KAT2B: variants seen among roughly 807,000 people sequenced by gnomAD.
KAT2B encodes the protein lysine acetyltransferase 2B, also known as histone acetyltransferase KAT2B.
KAT2B carries 36 observed loss-of-function variants against 105.9 expected under a neutral mutation model. The ratio of observed to expected loss-of-function variants is 0.34; its 90% CI spans 0.26 to 0.45. The LOEUF is 0.45. Among genes scored for constraint, KAT2B ranks in the 20% least tolerant of loss-of-function variants. The pLI is 1.00. For missense variants in KAT2B, 820 were observed against 1,021.6 expected (o/e 0.80, Z 2.69); for synonymous variants, 397 against 377.9 (o/e 1.05, Z -0.59).
intron 5 of KAT2B, among the ~76,000 whole-genome samples, chr3:20,106,548 T>C (rs1269641716): frequency 2.0e-5 from 3 of 152,094 alleles, no homozygotes; most frequent in African/African-American, 7.2e-5. Context: ...CAAAATAAGA[T>C]TAATCTTGGA....
At chr3:20,060,611 A>T (rs1325865771) in intron 1 of KAT2B, among the ~76,000 whole-genome samples, 2 of 139,940 alleles carry the variant, frequency 1.4e-5, no homozygotes, top group Non-Finnish European at 3.3e-5. Flanking sequence ...AAAAACAAAC[A>T]AACAAACACA....
At chr3:20,129,430 A>G (rs960047429) in intron 11 of KAT2B, among the ~76,000 whole-genome samples, 1 of 145,284 alleles carries the variant, frequency 6.9e-6, no homozygotes, top group Non-Finnish European at 1.5e-5. Flanking sequence ...GCTGGAGTGC[A>G]GTGGTGTGAT....
intron 17 of KAT2B, 55 bp from the exon 18 acceptor site, chr3:20,152,277 T>C: frequency 7.9e-7 from 1 of 1,263,950 alleles, no homozygotes; most frequent in African/African-American, 1.5e-5. Flanking sequence ...CCCAGTTTTG[T>C]CAGCTGGTGT....
chr3:20,042,229 C>T (rs1346977494), intron 1 of KAT2B, among the ~76,000 whole-genome samples: 1 of 152,072 alleles, frequency 6.6e-6, no homozygotes, highest in East Asian at 1.9e-4. Context: ...ATTATTTGTC[C>T]CCTTTGATTT....
chr3:20,099,222 C>G (rs1451396318), intron 3 of KAT2B, among the ~76,000 whole-genome samples: 1 of 152,150 alleles, frequency 6.6e-6, no homozygotes, highest in Non-Finnish European at 1.5e-5. Context: ...GATGCCAGAA[C>G]AGTTGGCCTG....
chr3:20,040,880 C>T, intron 1 of KAT2B, 100 bp downstream of exon 1: 7 of 1,341,164 alleles, frequency 5.2e-6, no homozygotes, highest in Non-Finnish European at 6.8e-6. Flanking sequence ...CCGCCTCCTG[C>T]CTCTCGCCTC....
At chr3:20,131,227 G>A (rs1438378004) in intron 11 of KAT2B, among the ~76,000 whole-genome samples, 2 of 151,924 alleles carry the variant, frequency 1.3e-5, no homozygotes, top group African/African-American at 4.8e-5. Flanking sequence ...CGTTGGCCAG[G>A]CTGGTCTCAA....
At chr3:20,052,131 C>G (rs1269932186) in intron 1 of KAT2B, among the ~76,000 whole-genome samples, 1 of 152,244 alleles carries the variant, frequency 6.6e-6, no homozygotes, top group East Asian at 1.9e-4. Flanking sequence ...ATCTTGTTCT[C>G]AAAGCCTCAT....
At chr3:20,052,502 T>C (rs1447819188) in intron 1 of KAT2B, among the ~76,000 whole-genome samples, 1 of 152,078 alleles carries the variant, frequency 6.6e-6, no homozygotes, top group East Asian at 1.9e-4. Context: ...AATAAATTGG[T>C]AATTTGATAT....
chr3:20,068,375 G>C (rs9843017), intron 1 of KAT2B, among the ~76,000 whole-genome samples: 19,356 of 150,026 alleles, frequency 0.13, 1,809 homozygotes, highest in African/African-American at 0.26. Context: ...AGCAAGCCAG[G>C]CACTCTCTTG....
Position 20,105,672 on chromosome 3 carries a change from C to G in KAT2B, c.851+4204C>G, listed in dbSNP as rs1247650046. Among the ~76,000 whole-genome samples, 4 of 151,666 alleles carry G rather than the reference C, an allele frequency of 2.6e-5. No homozygotes were observed. The East Asian group carries it at 7.8e-4, about 29-fold the overall frequency. Reference sequence around the variant, plus strand: ...GGCATGTGTCTGTGGTGGCATGAGCCTGTGGTCCCAGCGACTCTGGAGGTT... The same window carrying G: ...GGCATGTGTCTGTGGTGGCATGAGCGTGTGGTCCCAGCGACTCTGGAGGTT... On this transcript the variant is annotated intron_variant, in intron 5 of 17. Coordinates refer to ENST00000263754, the MANE Select transcript of KAT2B (RefSeq NM_003884.5).
chr3:20,131,815 T>G (rs1699515790), intron 11 of KAT2B, among the ~76,000 whole-genome samples: 2 of 151,930 alleles, frequency 1.3e-5, no homozygotes. Flanking sequence ...CCTCCCTCCT[T>G]GGCCCCCCAA....
At chr3:20,118,492 G>A (rs867821195) in intron 7 of KAT2B, among the ~76,000 whole-genome samples, 74 of 149,460 alleles carry the variant, frequency 5.0e-4, no homozygotes, top group Non-Finnish European at 9.3e-4. Flanking sequence ...TTAGGTGGGC[G>A]GATCACCTGA....
At chr3:20,067,768 A>G (rs7645350) in intron 1 of KAT2B, among the ~76,000 whole-genome samples, 69,150 of 148,640 alleles carry the variant, frequency 0.47, 16,319 homozygotes, top group South Asian at 0.57. Flanking sequence ...TCTGCCTCCC[A>G]GGTTCAAGCG....
At chr3:20,097,557 G>A (rs561402478) in intron 3 of KAT2B, among the ~76,000 whole-genome samples, 1 of 152,162 alleles carries the variant, frequency 6.6e-6, no homozygotes, top group South Asian at 2.1e-4. Context: ...ACTTTTTTGA[G>A]ACAGAATCTT....
intron 8 of KAT2B, among the ~76,000 whole-genome samples, chr3:20,122,007 C>T (rs957877298): frequency 2.6e-5 from 4 of 151,936 alleles, no homozygotes; most frequent in Admixed American, 2.0e-4. Context: ...GATTTCCGTA[C>T]ATATATGGTG....
At chr3:20,146,561 T>A in intron 14 of KAT2B, 131 bp downstream of exon 14, 1 of 598,740 alleles carries the variant, frequency 1.7e-6, no homozygotes, top group Non-Finnish European at 3.0e-6. Flanking sequence ...CTCTAGTCTT[T>A]TAAGAAGGCA....
At chr3:20,097,546 A>G (rs1698832497) in intron 3 of KAT2B, among the ~76,000 whole-genome samples, 1 of 152,146 alleles carries the variant, frequency 6.6e-6, no homozygotes, top group Admixed American at 6.5e-5. Context: ...TTTTAATTTT[A>G]ACTTTTTTGA....
At chr3:20,133,697 A>C (rs1165359564) in intron 11 of KAT2B, among the ~76,000 whole-genome samples, 1 of 152,206 alleles carries the variant, frequency 6.6e-6, no homozygotes, top group Non-Finnish European at 1.5e-5. Context: ...AAATTTAAAA[A>C]ATTATTTCCA....
Sources: gnomAD v4.1 joint callset for allele counts (sites outside exome capture counted in the v4.1 genomes callset) on GRCh38, gnomAD v4.1.1 for gene constraint, MANE v1.5 for transcripts, NCBI Gene and HGNC (gene_info 2026-07-23, HGNC 2026-07-21) for gene names.